Variants in COL24A1 observed in about 807,000 individuals in gnomAD.
COL24A1 encodes collagen alpha-1(XXIV) chain.
Under a neutral mutation model 253.9 loss-of-function variants are expected in COL24A1, and 224 were observed. That is an observed-to-expected ratio of 0.88 (90% CI 0.79 to 0.99). The LOEUF (loss-of-function observed/expected upper bound fraction) is 0.99, where lower values mean the gene tolerates loss of function less well. Among genes scored for constraint, COL24A1 ranks in the 50% least tolerant of loss-of-function variants. COL24A1 has a pLI of 0.00. For synonymous variants in COL24A1, 685 were observed against 673.7 expected (o/e 1.02, Z -0.26); for missense variants, 2,131 against 2,068.5 (o/e 1.03, Z -0.59).
At chr1:85,879,812 G>A (rs1681617023) in intron 32 of COL24A1, among the ~76,000 whole-genome samples, 1 of 152,150 alleles carries the variant, frequency 6.6e-6, no homozygotes, top group African/African-American at 2.4e-5. Flanking sequence ...CACTGTCTCA[G>A]GGGTAGCGGA....
At chr1:85,774,775 A>G (rs1188845430) in intron 53 of COL24A1, among the ~76,000 whole-genome samples, 2 of 151,864 alleles carry the variant, frequency 1.3e-5, no homozygotes, top group Non-Finnish European at 2.9e-5. Context: ...CTTCTTTATT[A>G]GTCTTGCTAG....
At chr1:86,113,837 CAAAAAAAAAAAA>C (rs36014881) in intron 4 of COL24A1, among the ~76,000 whole-genome samples, 8 of 72,432 alleles carry the variant, frequency 1.1e-4, no homozygotes, top group East Asian at 8.9e-4. Flanking sequence ...TCCTGTCTCA[CAAAAAAAAAAAA>C]AAAAAAAAAA....
intron 53 of COL24A1, among the ~76,000 whole-genome samples, chr1:85,763,142 C>A (rs991545420): frequency 5.9e-5 from 9 of 152,128 alleles, no homozygotes; most frequent in African/African-American, 2.2e-4. Flanking sequence ...ATAGGCCAGG[C>A]ATGGTGGCTC....
chr1:86,087,930 G>A (rs1227282293), intron 7 of COL24A1, among the ~76,000 whole-genome samples: 1 of 152,034 alleles, frequency 6.6e-6, no homozygotes, highest in Non-Finnish European at 1.5e-5. Context: ...ATAATGGTGT[G>A]GTCACTCAAG....
chr1:85,897,285 T>C (rs767819964), intron 28 of COL24A1, among the ~76,000 whole-genome samples: 11 of 152,130 alleles, frequency 7.2e-5, no homozygotes, highest in South Asian at 6.2e-4. Flanking sequence ...TCAGGAAGAA[T>C]AGCTAATGGA....
At chr1:85,945,265 C>G (rs1476401674) in intron 24 of COL24A1, among the ~76,000 whole-genome samples, 1 of 151,520 alleles carries the variant, frequency 6.6e-6, no homozygotes, top group Non-Finnish European at 1.5e-5. Context: ...GATCCGCCCA[C>G]CTCCCGGCCT....
In COL24A1 at chr1:85,801,678, T is replaced by A. The variant is rs796813714; in HGVS notation, c.3951+15110A>T. On this transcript the variant is annotated intron_variant, in intron 47 of 59. Coordinates refer to ENST00000370571, the MANE Select transcript of COL24A1 (RefSeq NM_152890.7). ...TTTCTGTAGGTAGTTTCCTCAAAAT[T>A]CCAATTGAGCATTCCATCTGCTTCC... is the stretch of plus-strand genomic sequence containing the variant. Among the ~76,000 whole-genome samples the A allele has an allele frequency of 3.3e-5, 5 of 152,286 alleles. No homozygotes were observed. In the South Asian group the frequency reaches 6.2e-4, roughly 19 times the overall value.
chr1:85,822,347 T>G (rs115658330), intron 45 of COL24A1, among the ~76,000 whole-genome samples: 35 of 152,322 alleles, frequency 2.3e-4, no homozygotes, highest in African/African-American at 8.4e-4. Context: ...TACTTTTTAT[T>G]CATTCTCATC....
At chr1:86,020,728 T>C (rs2101318459) in intron 18 of COL24A1, among the ~76,000 whole-genome samples, 1 of 152,284 alleles carries the variant, frequency 6.6e-6, no homozygotes, top group Non-Finnish European at 1.5e-5. Context: ...AAAAAAAGAA[T>C]ATGTAAAAAG....
At position 85,896,544 on chromosome 1, in the gene COL24A1, G is replaced by A; in HGVS notation, c.2779-135C>T. 15 of 684,238 alleles carry A rather than the reference G, an allele frequency of 2.2e-5. No homozygotes were observed. The South Asian group carries it at 2.7e-4, about 12-fold the overall frequency. The allele number at this position is 684,238 out of a possible 1,614,324, so 42.4% of individuals were successfully genotyped here. On this transcript the variant is annotated intron_variant, in intron 28 of 59. Transcript: ENST00000370571. ...GGAGTCTCACTCTGTCGCCCAGGCTGGAGTGCAGTGGCGCGTCTCGGCTCA... is the reference window on the plus strand; with the variant it reads ...GGAGTCTCACTCTGTCGCCCAGGCTAGAGTGCAGTGGCGCGTCTCGGCTCA...
intron 24 of COL24A1, among the ~76,000 whole-genome samples, chr1:85,942,865 G>A (rs1688877761): frequency 6.6e-6 from 1 of 152,130 alleles, no homozygotes; most frequent in African/African-American, 2.4e-5. Context: ...GCTTATGGGT[G>A]CCAAATTGAT....
chr1:85,835,058 T>TG (rs1418200366), intron 43 of COL24A1, among the ~76,000 whole-genome samples: 1 of 152,184 alleles, frequency 6.6e-6, no homozygotes, highest in Non-Finnish European at 1.5e-5. Flanking sequence ...GTAATATCCA[T>TG]GGCCCCTAGC....
At chr1:85,889,729 TTC>T in intron 31 of COL24A1, 116 bp from the exon 32 acceptor site, 1 of 811,732 alleles carries the variant, frequency 1.2e-6, no homozygotes, top group Non-Finnish European at 2.0e-6. Context: ...TCTATTGCTA[TTC>T]TTTTTTTTTT....
intron 20 of COL24A1, among the ~76,000 whole-genome samples, chr1:85,978,569 A>G (rs1338509791): frequency 1.3e-5 from 2 of 151,968 alleles, no homozygotes; most frequent in Non-Finnish European, 2.9e-5. Context: ...GCAGGACCTC[A>G]ATAACAGTTA....
intron 44 of COL24A1, 30 bp from the exon 45 acceptor site, chr1:85,823,619 T>A (rs760120297): frequency 3.1e-6 from 5 of 1,613,522 alleles, no homozygotes; most frequent in Non-Finnish European, 4.2e-6. Flanking sequence ...AAAAATCACA[T>A]ATGAAGCAGA....
At chr1:86,012,873 G>A (rs899699362) in intron 19 of COL24A1, among the ~76,000 whole-genome samples, 31 of 152,106 alleles carry the variant, frequency 2.0e-4, no homozygotes, top group Admixed American at 1.3e-3. Flanking sequence ...GCTCACTCCA[G>A]TTACATTGGC....
At chr1:86,033,385 A>G (rs1220839050) in intron 13 of COL24A1, among the ~76,000 whole-genome samples, 2 of 152,134 alleles carry the variant, frequency 1.3e-5, no homozygotes, top group Non-Finnish European at 2.9e-5. Context: ...GCAATCCATC[A>G]TCATTCTTTG....
chr1:86,125,958 T>C lies in COL24A1; in HGVS notation c.378A>G (p.Arg126=). The C allele has an allele frequency of 1.9e-6, 3 of 1,613,568 alleles. No homozygotes were observed. The highest frequency in any genetic ancestry group is 2.5e-6 in the Non-Finnish European group (3 of 1,179,780). ...CTCCTAATTGCAGTCTATTTTTATT[T>C]CTAATGCTGAAGAGAAATGCATTGT... ...RVNNAFLFSI[R]NKNRLQLGVQ... is the part of the protein sequence containing the mutation. Residue 126 remains arginine, a synonymous_variant, in exon 3 of 60, where the codon AGA becomes AGG. Transcript: ENST00000370571.
intron 7 of COL24A1, among the ~76,000 whole-genome samples, chr1:86,070,049 T>C (rs1362997732): frequency 6.6e-6 from 1 of 152,172 alleles, no homozygotes; most frequent in Non-Finnish European, 1.5e-5. Flanking sequence ...TCAAAATAGC[T>C]GTTTTGAGGA....
Sources: allele counts gnomAD v4.1 joint callset (sites outside exome capture counted in the v4.1 genomes callset), GRCh38; gene constraint gnomAD v4.1.1; transcripts MANE v1.5; gene names NCBI Gene and HGNC (gene_info 2026-07-23, HGNC 2026-07-21).